Variants in ZNF780B observed in about 807,000 individuals in gnomAD.
ZNF780B encodes the protein zinc finger protein 779.
In ZNF780B, 52 loss-of-function variants were observed where a neutral mutation model predicts 74.1. The ratio of observed to expected loss-of-function variants is 0.70; its 90% CI spans 0.56 to 0.88. The LOEUF is 0.88. Among genes scored for constraint, ZNF780B ranks in the 40% least tolerant of loss-of-function variants. The probability of loss-of-function intolerance (pLI) is 0.00; values close to 1 mark genes in which losing one functional copy is unlikely to be tolerated. For missense variants in ZNF780B, 953 were observed against 1,007.6 expected (o/e 0.95, Z 0.73); for synonymous variants, 315 against 324.3 (o/e 0.97, Z 0.31).
rs1186747047 is a variant in ZNF780B at position 40,034,695 on chromosome 19, C to T, written c.2164G>A (p.Glu722Lys). Residue 722 changes from glutamate to lysine, a missense_variant, in exon 5 of 5, where the codon GAG becomes AAG. By Grantham distance (56) the Glu-to-Lys change is moderately conservative. Transcript: ENST00000434248. ...LTEHYRIHTG[E>K]KPFECKECGK... ...CATTCTTTACATTCAAAGGGTTTCT[C>T]ACCAGTATGAATTCGGTAATGTTCA... The T allele has an allele frequency of 6.2e-7, 1 of 1,613,856 alleles. No homozygotes were observed. The highest frequency in any genetic ancestry group is 1.7e-5 in the Admixed American group (1 of 59,974).
Position 40,032,136 on chromosome 19 carries a change from T to A in ZNF780B, c.*2221A>T. Reference sequence around the variant, plus strand: ...CTAAACACATAGCCAACAACATTTCTGGGCTACTCAAAATTCAATGTCATT... The same window carrying A: ...CTAAACACATAGCCAACAACATTTCAGGGCTACTCAAAATTCAATGTCATT... On this transcript the variant is annotated 3_prime_UTR_variant, in exon 5 of 5. Coordinates refer to ENST00000434248, the MANE Select transcript of ZNF780B (RefSeq NM_001005851.3). 7 of 439,972 alleles carry A rather than the reference T, an allele frequency of 1.6e-5. No homozygotes were observed. The highest frequency in any genetic ancestry group is 2.7e-5 in the Non-Finnish European group (6 of 222,448). 27.3% of individuals were successfully genotyped at this position (439,972 alleles called of 1,614,324 possible).
At position 40,034,691 on chromosome 19, in the gene ZNF780B, T is replaced by G. The variant is rs1168483885; in HGVS notation, c.2168A>C (p.Lys723Thr). 6.2e-7 allele frequency: 1 copy of G among 1,614,144 alleles called. No homozygotes were observed. The highest frequency in any genetic ancestry group is 8.5e-7 in the Non-Finnish European group (1 of 1,180,004). ...TEHYRIHTGE[K>T]PFECKECGKA... ...TCCGCATTCTTTACATTCAAAGGGTTTCTCACCAGTATGAATTCGGTAATG... is the reference window on the plus strand; with the variant it reads ...TCCGCATTCTTTACATTCAAAGGGTGTCTCACCAGTATGAATTCGGTAATG... Residue 723 changes from lysine to threonine, a missense_variant, in exon 5 of 5, where the codon AAA (lysine) becomes ACA (threonine). Transcript: ENST00000434248.
chr19:40,040,588 G>T (rs897358825), intron 4 of ZNF780B, among the ~76,000 whole-genome samples: 4 of 152,092 alleles, frequency 2.6e-5, no homozygotes, highest in Non-Finnish European at 5.9e-5. Flanking sequence ...CAATTTCAGA[G>T]CCTGTTATTG....
chr19:40,041,327 T>G (rs972397605), intron 4 of ZNF780B, among the ~76,000 whole-genome samples: 68 of 152,326 alleles, frequency 4.5e-4, no homozygotes, highest in African/African-American at 1.4e-3. Context: ...TACTTCCAAC[T>G]ATGTGGTCAA....
chr19:40,047,535 C>T (rs1403460046), intron 3 of ZNF780B, 65 bp from the exon 4 acceptor site: 2 of 1,065,842 alleles, frequency 1.9e-6, no homozygotes, highest in African/African-American at 1.6e-5. Context: ...AACCCTGAGA[C>T]CTAGTTAAAC....
Position 40,034,386 on chromosome 19 carries a change from G to A in ZNF780B, c.2473C>T (p.Leu825=). 1 of 1,610,210 alleles carries A rather than the reference G, an allele frequency of 6.2e-7. No individual in the cohort carries two copies. Among genetic ancestry groups the A allele is most frequent in the Non-Finnish European group, 8.5e-7 (1 of 1,177,640 alleles). The change falls in exon 5 of 5, where the codon CTG becomes TTG. Residue 825 remains leucine, a synonymous_variant. Coordinates refer to ENST00000434248, the MANE Select transcript of ZNF780B (RefSeq NM_001005851.3). ...CCAAGTATGAATTTTCTGATGTTCAGTAAGTTGCTACTGATGTCTGAAGGC... is the reference window on the plus strand; with the variant it reads ...CCAAGTATGAATTTTCTGATGTTCAATAAGTTGCTACTGATGTCTGAAGGC... ...GQPSDISSNL[L]NIRKFILG
chr19:40,039,397 T>C (rs1402906177), intron 4 of ZNF780B, among the ~76,000 whole-genome samples: 1 of 152,190 alleles, frequency 6.6e-6, no homozygotes, highest in Non-Finnish European at 1.5e-5. Flanking sequence ...TGATGCGGGC[T>C]CTTTTTTGGT....
At position 40,034,466 on chromosome 19, in the gene ZNF780B, A is replaced by G. The variant is rs1267737674; in HGVS notation, c.2393T>C (p.Leu798Pro). 6.2e-7 allele frequency: 1 copy of G among 1,613,754 alleles called. No homozygotes were observed. Among genetic ancestry groups the G allele is most frequent in the Admixed American group, 1.7e-5 (1 of 59,982 alleles). The change falls in exon 5 of 5, where the codon CTG becomes CCG. Residue 798 changes from leucine to proline, a missense_variant. Transcript: ENST00000434248. ...KAFRLHLQLS[L>P]HQKLVQVRNP... ...TCTCACCTGTACAAGTTTTTGATGCAGAGAAAGTTGTAGGTGAAGTCTAAA... is the reference window on the plus strand; with the variant it reads ...TCTCACCTGTACAAGTTTTTGATGCGGAGAAAGTTGTAGGTGAAGTCTAAA...
Position 40,035,499 on chromosome 19 carries a change from A to C in ZNF780B, c.1360T>G (p.Phe454Val). The change falls in exon 5 of 5, where the codon TTT becomes GTT. Residue 454 changes from phenylalanine (F) to valine (V), a missense_variant. Coordinates refer to ENST00000434248, the MANE Select transcript of ZNF780B (RefSeq NM_001005851.3). ...TGAATAAGTTGGTAATGATATCGAAAGGCCATCTCACATTCCCTACATACA... is the reference window on the plus strand; with the variant it reads ...TGAATAAGTTGGTAATGATATCGAACGGCCATCTCACATTCCCTACATACA... The part of the protein sequence containing the change: ...PFVCRECEMA[F>V]RYHYQLIQHC... The C allele has an allele frequency of 6.2e-7, 1 of 1,614,142 alleles. No individual in the cohort carries two copies. The highest frequency in any genetic ancestry group is 8.5e-7 in the Non-Finnish European group (1 of 1,180,014).
intron 4 of ZNF780B, among the ~76,000 whole-genome samples, chr19:40,037,888 TTC>T (rs1972421107): frequency 6.7e-6 from 1 of 150,074 alleles, no homozygotes; most frequent in African/African-American, 2.4e-5. Flanking sequence ...TTTTTTTTTT[TTC>T]TGTTTATATA....
chr19:40,047,399 T>C lies in ZNF780B; in HGVS notation c.208A>G (p.Lys70Glu), dbSNP rs544089483. 2 of 1,613,942 alleles carry C rather than the reference T, an allele frequency of 1.2e-6. No individual in the cohort carries two copies. The highest frequency in any genetic ancestry group is 2.7e-5 in the African/African-American group (2 of 75,034). Residue 70 changes from lysine (K) to glutamate (E), a missense_variant, in exon 4 of 5, where the codon AAA (lysine) becomes GAA (glutamate). Physicochemically the swap from Lys to Glu is moderately conservative, Grantham distance 56. Coordinates refer to ENST00000434248, the MANE Select transcript of ZNF780B (RefSeq NM_001005851.3). ...QEKEPWIVVSKETSRWYPDLE... is the reference protein window; with the variant it reads ...QEKEPWIVVSEETSRWYPDLE... ...CCTGGATACCATCTGCTTGTTTCTTTACTTACAACAATCCAGGGCTCTTTC... is the reference window on the plus strand; with the variant it reads ...CCTGGATACCATCTGCTTGTTTCTTCACTTACAACAATCCAGGGCTCTTTC...
intron 4 of ZNF780B, among the ~76,000 whole-genome samples, chr19:40,036,982 C>T (rs1189525717): frequency 2.0e-5 from 3 of 151,488 alleles, no homozygotes; most frequent in Non-Finnish European, 4.4e-5. Context: ...AATCTCAGCT[C>T]ACTGCACCCT....
At position 40,031,969 on chromosome 19, in the gene ZNF780B, T is replaced by C; in HGVS notation, c.*2388A>G. ...CCTGTACTTAAATGTTTTCTGACAG[T>C]ACAATATGACATAGAAATAACCTAC... On this transcript the variant is annotated 3_prime_UTR_variant, in exon 5 of 5. Coordinates refer to ENST00000434248, the MANE Select transcript of ZNF780B (RefSeq NM_001005851.3). 4.6e-6 allele frequency: 2 copies of C among 433,810 alleles called. No homozygotes were observed. Among genetic ancestry groups the C allele is most frequent in the East Asian group, 7.0e-5 (1 of 14,322 alleles). 26.9% of individuals were successfully genotyped at this position (433,810 alleles called of 1,614,324 possible).
At position 40,036,126 on chromosome 19, in the gene ZNF780B, CT is replaced by C. The variant is rs762703905; in HGVS notation, c.732del (p.Val245LeufsTer30). The C allele has an allele frequency of 1.1e-5, 17 of 1,613,712 alleles. No homozygotes were observed. The African/African-American group carries it at 1.2e-4, about 11-fold the overall frequency. On this transcript the variant is annotated frameshift_variant, in exon 5 of 5. Transcript: ENST00000434248. LOFTEE classifies it high-confidence loss of function. ...TQLNRHKNIH[T>X]VKKLFECKEC... ...TCCTTACATTCAAACAGTTTCTTAACTGTGTGAATGTTCTTATGGCGATTAA... is the reference window on the plus strand; with the variant it reads ...TCCTTACATTCAAACAGTTTCTTAACGTGTGAATGTTCTTATGGCGATTAA...
chr19:40,036,354 C>G lies in ZNF780B; in HGVS notation c.505G>C (p.Glu169Gln). 6.2e-7 allele frequency: 1 copy of G among 1,613,738 alleles called. No homozygotes were observed. The highest frequency in any genetic ancestry group is 8.5e-7 in the Non-Finnish European group (1 of 1,179,890). ...CCACAACTAAAGTATTTCCCACATT[C>G]CTTACATTCATATGGTTTATGTGTA... ...HNTHKPYECK[E>Q]CGKYFSCGSN... The change falls in exon 5 of 5, where the codon GAA becomes CAA. Residue 169 changes from glutamate (E) to glutamine (Q), a missense_variant. By Grantham distance (29) the Glu-to-Gln change is conservative. Transcript: ENST00000434248.
At position 40,029,349 on chromosome 19, in the gene ZNF780B, C is replaced by A. The variant is rs866439235; in HGVS notation, c.*5008G>T. 1.3e-5 allele frequency: 2 copies of A among 154,602 alleles called. No homozygotes were observed. Among genetic ancestry groups the A allele is most frequent in the Middle Eastern group, 1.1e-3 (2 of 1,826 alleles). The allele number at this position is 154,602 out of a possible 1,614,324, so 9.6% of individuals were successfully genotyped here. A position where few individuals can be genotyped will look rare whatever the true frequency, so the allele number is the denominator to read the frequency against. ...TAAAACAAGTTTCTTTACAACGCTGCTCAGAAACACCATGACAAATTTAAA... is the reference window on the plus strand; with the variant it reads ...TAAAACAAGTTTCTTTACAACGCTGATCAGAAACACCATGACAAATTTAAA... On this transcript the variant is annotated 3_prime_UTR_variant, in exon 5 of 5. Transcript: ENST00000434248.
At chr19:40,050,915 C>T (rs1272617413) in intron 1 of ZNF780B, among the ~76,000 whole-genome samples, 3 of 152,188 alleles carry the variant, frequency 2.0e-5, no homozygotes, top group Non-Finnish European at 4.4e-5. Flanking sequence ...GGGGTAAGTA[C>T]AGTTCAGAAT....
chr19:40,054,225 G>A (rs1264349392), intron 1 of ZNF780B, among the ~76,000 whole-genome samples: 1 of 152,176 alleles, frequency 6.6e-6, no homozygotes, highest in Non-Finnish European at 1.5e-5. Flanking sequence ...GGTAATGTGG[G>A]TGAGGGAGGG....
At chr19:40,053,153 G>A (rs1973314857) in intron 1 of ZNF780B, among the ~76,000 whole-genome samples, 1 of 152,100 alleles carries the variant, frequency 6.6e-6, no homozygotes, top group South Asian at 2.1e-4. Flanking sequence ...CCTACAGAAT[G>A]AGAGAAAATA....
Sources: gnomAD v4.1 joint callset for allele counts (sites outside exome capture counted in the v4.1 genomes callset) on GRCh38, gnomAD v4.1.1 for gene constraint, MANE v1.5 for transcripts, NCBI Gene and HGNC (gene_info 2026-07-23, HGNC 2026-07-21) for gene names.